SKI: variants seen among roughly 807,000 people sequenced by gnomAD.
The protein encoded by SKI is SKI proto-oncogene.
In SKI, 23 loss-of-function variants were observed where a neutral mutation model predicts 59.3. That is an observed-to-expected ratio of 0.39 (90% CI 0.28 to 0.55). The LOEUF (loss-of-function observed/expected upper bound fraction) is 0.55, where lower values mean the gene tolerates loss of function less well. Ranked by LOEUF, SKI falls within the 20% of genes least tolerant of loss-of-function variation. SKI has a pLI of 0.67. For missense variants in SKI, 1,017 were observed against 1,038.9 expected (o/e 0.98, Z 0.29); for synonymous variants, 673 against 488.6 (o/e 1.38, Z -4.98).
At chr1:2,304,177 C>A in intron 4 of SKI, 75 bp downstream of exon 4, 1 of 1,588,694 alleles carries the variant, frequency 6.3e-7, no homozygotes, top group South Asian at 1.1e-5. Flanking sequence ...GGCTGGTCGC[C>A]GGGGGTGCGT....
chr1:2,274,163 G>A (rs552131707), intron 1 of SKI, among the ~76,000 whole-genome samples: 11 of 152,094 alleles, frequency 7.2e-5, no homozygotes, highest in Admixed American at 1.3e-4. Context: ...GTTTTGCTCC[G>A]AGGCTGGACT....
rs777513476 is a variant in SKI at position 2,303,346 on chromosome 1, T to G, written c.1157T>G (p.Val386Gly). 6.2e-7 allele frequency: 1 copy of G among 1,613,838 alleles called. No homozygotes were observed. The highest frequency in any genetic ancestry group is 1.1e-5 in the South Asian group (1 of 91,084). The change falls in exon 3 of 7, where the codon GTG (valine) becomes GGG (glycine). Residue 386 changes from valine to glycine, a missense_variant. Val to Gly is a moderately radical substitution (Grantham distance 109, BLOSUM62 -3). Coordinates refer to ENST00000378536, the MANE Select transcript of SKI (RefSeq NM_003036.4). The surrounding 1 kb of genome is among the most constrained non-coding windows in gnomAD (Gnocchi z 5.6). The stretch of plus-strand genomic sequence containing the variant: ...GCTTTCCGACCCTGGTCCCCCGCAG[T>G]GTCAGCGAGTGAGAAAGAGCTCTCC... The part of the protein sequence containing the change: ...LSAFRPWSPA[V>G]SASEKELSPH...
chr1:2,242,942 A>T (rs1638911754), intron 1 of SKI, among the ~76,000 whole-genome samples: 1 of 152,246 alleles, frequency 6.6e-6, no homozygotes. Context: ...GTAAGAAGTA[A>T]GTGAAAAGCA....
intron 4 of SKI, 23 bp from the exon 5 acceptor site, chr1:2,304,270 T>G: frequency 6.4e-7 from 1 of 1,551,766 alleles, no homozygotes; most frequent in Non-Finnish European, 8.7e-7. Context: ...ATGACTTTGT[T>G]TCTGTCTCTG....
rs191800649 is a variant in SKI at position 2,306,804 on chromosome 1, G to A, written c.*39G>A. On this transcript the variant is annotated 3_prime_UTR_variant, in exon 7 of 7. Transcript: ENST00000378536. ...CGCCGCAGCGCCGCCGACAACGCGGGTGCAGGGGGGCGCGGCTGGGCGGTG... is the reference window on the plus strand; with the variant it reads ...CGCCGCAGCGCCGCCGACAACGCGGATGCAGGGGGGCGCGGCTGGGCGGTG... 1,656 of 1,409,026 alleles carry A rather than the reference G, an allele frequency of 1.2e-3. 16 individuals are homozygous for A. In the African/African-American group the frequency reaches 0.018, roughly 15 times the overall value. 87.3% of individuals were successfully genotyped at this position (1,409,026 alleles called of 1,614,324 possible).
intron 1 of SKI, among the ~76,000 whole-genome samples, chr1:2,288,726 C>T (rs1026708289): frequency 1.3e-5 from 2 of 152,218 alleles, no homozygotes; most frequent in Non-Finnish European, 2.9e-5. Context: ...TGAAACTAGC[C>T]TGAGGTGGGC....
At chr1:2,292,109 G>T (rs1304140893) in intron 1 of SKI, among the ~76,000 whole-genome samples, 1 of 152,218 alleles carries the variant, frequency 6.6e-6, no homozygotes, top group Non-Finnish European at 1.5e-5. Flanking sequence ...GAGGGTATTT[G>T]GGGGTGCACC....
At position 2,228,856 on chromosome 1, in the gene SKI, C is replaced by T. The variant is rs1391338387; in HGVS notation, c.90C>T (p.Ser30=). The T allele has an allele frequency of 2.8e-6, 4 of 1,428,816 alleles. No individual in the cohort carries two copies. The highest frequency in any genetic ancestry group is 1.5e-5 in the African/African-American group (1 of 67,518). The allele number at this position is 1,428,816 out of a possible 1,614,324, so 88.5% of individuals were successfully genotyped here. A position where few individuals can be genotyped will look rare whatever the true frequency, so the allele number is the denominator to read the frequency against. The part of the protein sequence containing the change: ...TLEQFHLSSM[S]SLGGPAAFSA... Reference sequence around the variant, plus strand: ...AGCAGTTCCACCTGAGCTCCATGAGCTCGCTGGGCGGCCCGGCCGCTTTCT... The same window carrying T: ...AGCAGTTCCACCTGAGCTCCATGAGTTCGCTGGGCGGCCCGGCCGCTTTCT... The change falls in exon 1 of 7, where the codon AGC becomes AGT. Residue 30 remains serine (S), a synonymous_variant. Coordinates refer to ENST00000378536, the MANE Select transcript of SKI (RefSeq NM_003036.4).
intron 1 of SKI, among the ~76,000 whole-genome samples, chr1:2,287,733 A>G (rs1224402053): frequency 6.6e-6 from 1 of 152,050 alleles, no homozygotes; most frequent in Non-Finnish European, 1.5e-5. Context: ...GTCTCCCCCT[A>G]GAAGGACAGG....
At chr1:2,241,098 A>G (rs931760612) in intron 1 of SKI, among the ~76,000 whole-genome samples, 1 of 152,262 alleles carries the variant, frequency 6.6e-6, no homozygotes, top group African/African-American at 2.4e-5. Flanking sequence ...CTGTGGGCCC[A>G]GAAGGTGGGG....
intron 5 of SKI, among the ~76,000 whole-genome samples, chr1:2,305,031 T>C (rs1640532159): frequency 6.6e-6 from 1 of 152,248 alleles, no homozygotes; most frequent in Non-Finnish European, 1.5e-5. Flanking sequence ...ACCTGGCGTC[T>C]GCAAAACACA....
At chr1:2,237,896 G>T (rs1308907317) in intron 1 of SKI, among the ~76,000 whole-genome samples, 1 of 152,232 alleles carries the variant, frequency 6.6e-6, no homozygotes, top group African/African-American at 2.4e-5. Flanking sequence ...GAGGTCTGAG[G>T]TTGGCCCATT....
At position 2,261,829 on chromosome 1, in the gene SKI, C is replaced by T. The variant is rs150933276; in HGVS notation, c.969+32094C>T. On this transcript the variant is annotated intron_variant, in intron 1 of 6. Transcript: ENST00000378536. ...GCTCCTGATCTCCTGATCTGGAAGG[C>T]GTGGAATCAGAGTTTGGATGGGAGT... is the stretch of plus-strand genomic sequence containing the variant. Among the ~76,000 whole-genome samples, 53 of 151,158 alleles carry T rather than the reference C, an allele frequency of 3.5e-4. No individual in the cohort carries two copies. The East Asian group carries it at 9.4e-3, about 27-fold the overall frequency.
chr1:2,300,815 G>T (rs1325848896), intron 1 of SKI, among the ~76,000 whole-genome samples: 1 of 152,216 alleles, frequency 6.6e-6, no homozygotes, highest in South Asian at 2.1e-4. Flanking sequence ...GGATGGCCCT[G>T]AGCCCATCTG....
chr1:2,287,668 G>T (rs965973993), intron 1 of SKI, among the ~76,000 whole-genome samples: 1 of 152,116 alleles, frequency 6.6e-6, no homozygotes, highest in Non-Finnish European at 1.5e-5. Context: ...CTGCCGCAGG[G>T]GGGGTGTGGA....
chr1:2,292,062 G>A (rs1463583428), intron 1 of SKI, among the ~76,000 whole-genome samples: 1 of 152,232 alleles, frequency 6.6e-6, no homozygotes, highest in Non-Finnish European at 1.5e-5. Context: ...GAAATCTTCA[G>A]AGAAGGCCCA....
At position 2,308,111 on chromosome 1, in the gene SKI, G is replaced by A. The variant is rs937198188; in HGVS notation, c.*1346G>A. 6 of 152,258 alleles carry A rather than the reference G, an allele frequency of 3.9e-5. No individual in the cohort carries two copies. The highest frequency in any genetic ancestry group is 1.4e-4 in the African/African-American group (6 of 41,432). The allele number at this position is 152,258 out of a possible 1,614,324, so 9.4% of individuals were successfully genotyped here. On this transcript the variant is annotated 3_prime_UTR_variant, in exon 7 of 7. Coordinates refer to ENST00000378536, the MANE Select transcript of SKI (RefSeq NM_003036.4). ...CCCAAGCTTGAAAAATGATTTCCCA[G>A]TAGACAAGAGGCGGCTACCTATCCT...
rs771711886 is a variant in SKI, at chr1:2,229,668, G to A, written c.902G>A (p.Gly301Asp). 3 of 1,609,460 alleles carry A rather than the reference G, an allele frequency of 1.9e-6. No individual in the cohort carries two copies. The highest frequency in any genetic ancestry group is 2.5e-6 in the Non-Finnish European group (3 of 1,178,588). Reference sequence around the variant, plus strand: ...GGCAAGGAGGAGCAGGCGCGCCTCGGCCGCTGCCTGGACGACGTGAAGGAG... The same window carrying A: ...GGCAAGGAGGAGCAGGCGCGCCTCGACCGCTGCCTGGACGACGTGAAGGAG... The part of the protein sequence containing the change: ...YTGKEEQARL[G>D]RCLDDVKEKF... Residue 301 changes from glycine (G) to aspartate (D), a missense_variant, in exon 1 of 7, where the codon GGC becomes GAC. Coordinates refer to ENST00000378536, the MANE Select transcript of SKI (RefSeq NM_003036.4). The surrounding 1 kb of genome is among the most constrained non-coding windows in gnomAD (Gnocchi z 6.3).
intron 1 of SKI, among the ~76,000 whole-genome samples, chr1:2,278,947 C>T (rs771325992): frequency 1.3e-5 from 2 of 152,182 alleles, no homozygotes; most frequent in Non-Finnish European, 2.9e-5. Flanking sequence ...GGGATGCTGC[C>T]GCCTCCTGGA....
Sources: gnomAD v4.1 joint callset for allele counts (sites outside exome capture counted in the v4.1 genomes callset) on GRCh38, gnomAD v4.1.1 for gene constraint, Gnocchi (gnomAD v3.1) non-coding constraint, MANE v1.5 for transcripts, NCBI Gene and HGNC (gene_info 2026-07-23, HGNC 2026-07-21) for gene names.